LIG3: variants seen among roughly 807,000 people sequenced by gnomAD.
LIG3 encodes ligase II, DNA, ATP-dependent.
A neutral mutation model predicts 110.9 loss-of-function variants in LIG3; 58 were observed. The observed-to-expected ratio is 0.52, with a 90% CI of 0.42 to 0.65. The LOEUF is 0.65. LIG3 is among the 30% of genes least tolerant of loss of function. The probability of loss-of-function intolerance (pLI) is 0.00; values close to 1 mark genes in which losing one functional copy is unlikely to be tolerated. For missense variants in LIG3, 1,094 were observed against 1,273.8 expected (o/e 0.86, Z 2.15); for synonymous variants, 422 against 472.8 (o/e 0.89, Z 1.39).
In LIG3 at chr17:34,999,430, A is replaced by G. The variant is rs759037110; in HGVS notation, c.2237A>G (p.Asp746Gly). 1 of 1,614,018 alleles carries G rather than the reference A, an allele frequency of 6.2e-7. No homozygotes were observed. Residue 746 changes from aspartate (D) to glycine (G), a missense_variant, in exon 15 of 20, where the codon GAC becomes GGC. Physicochemically the swap from Asp to Gly is moderately conservative, Grantham distance 94. Transcript: ENST00000378526. ...ATLARLQNEL[D>G]MVKISKDPSK... ...CTTGCCCGCCTGCAGAATGAACTAG[A>G]CATGGTGAAGATCAGCAAGGTGAGG...
chr17:34,999,035 T>G, intron 14 of LIG3: 1 of 510,436 alleles, frequency 2.0e-6, no homozygotes, highest in East Asian at 3.1e-5. Context: ...AGCTGGAGTC[T>G]GAGGAACTAA....
At chr17:34,999,645 C>T in intron 15 of LIG3, 137 bp from the exon 16 acceptor site, 2 of 1,050,656 alleles carry the variant, frequency 1.9e-6, no homozygotes, top group Non-Finnish European at 2.8e-6. Flanking sequence ...TAGGTCATAC[C>T]CACTCTGGGC....
At chr17:34,985,376 TC>T (rs959055871) in intron 2 of LIG3, among the ~76,000 whole-genome samples, 4 of 152,146 alleles carry the variant, frequency 2.6e-5, no homozygotes, top group African/African-American at 9.7e-5. Context: ...AAAAAAGACT[TC>T]CGGGAAAGAA....
Position 35,002,737 on chromosome 17 carries a change from TGAAAGTAGGGGAGAAGCG to T in LIG3, c.2750_2767del (p.Val917_Lys922del). On this transcript the variant is annotated inframe_deletion, in exon 19 of 20. Coordinates refer to ENST00000378526, the MANE Select transcript of LIG3 (RefSeq NM_013975.4). ...AAGCTGGCCACAAAGTCTTCTCCAG[TGAAAGTAGGGGAGAAGCG>T]GAAAGCTGCTGATGAGACGCTGTGC... 1 of 1,612,526 alleles carries T rather than the reference TGAAAGTAGGGGAGAAGCG, an allele frequency of 6.2e-7. No individual in the cohort carries two copies. The highest frequency in any genetic ancestry group is 1.1e-5 in the South Asian group (1 of 90,792).
intron 1 of LIG3, chr17:34,981,091 A>G (rs1457477317): frequency 2.0e-5 from 3 of 152,292 alleles, no homozygotes; most frequent in Non-Finnish European, 4.4e-5. Flanking sequence ...AAGCCCTTCG[A>G]GAAAAGCGGC....
intron 16 of LIG3, 40 bp from the exon 17 acceptor site, chr17:35,001,217 C>T: frequency 6.2e-7 from 1 of 1,602,638 alleles, no homozygotes; most frequent in East Asian, 2.2e-5. Flanking sequence ...CTGATACTAT[C>T]TTCTTAACCA....
At chr17:35,009,838 A>G (rs1270068304), downstream of LIG3, 1 of 152,672 alleles carries the variant, frequency 6.5e-6, no homozygotes, top group East Asian at 1.9e-4. Flanking sequence ...TTACTGCTAG[A>G]TCTTAGCTGA....
chr17:34,992,137 C>A, intron 7 of LIG3, 102 bp downstream of exon 7: 1 of 962,754 alleles, frequency 1.0e-6, no homozygotes, highest in Non-Finnish European at 1.6e-6. Flanking sequence ...TTTGAATCCC[C>A]CTTCCACCTT....
chr17:34,980,675 C>G, intron 1 of LIG3, 53 bp downstream of exon 1: 1 of 955,854 alleles, frequency 1.0e-6, no homozygotes, highest in South Asian at 2.0e-5. Context: ...GTGGGGAAGG[C>G]AGCGGGCCCG....
chr17:34,988,573 C>T (rs1047552306), intron 3 of LIG3, among the ~76,000 whole-genome samples: 4 of 152,144 alleles, frequency 2.6e-5, no homozygotes, highest in South Asian at 2.1e-4. Flanking sequence ...AGGGAATCAC[C>T]GATGAGTTGC....
At chr17:35,003,072 G>A in intron 19 of LIG3, 1 of 1,614,026 alleles carries the variant, frequency 6.2e-7, no homozygotes, top group Non-Finnish European at 8.5e-7. Context: ...AGCCAGGAGA[G>A]ACTGCAGGGA....
intron 5 of LIG3, 98 bp downstream of exon 5, chr17:34,991,212 A>G: frequency 8.3e-7 from 1 of 1,206,194 alleles, no homozygotes; most frequent in East Asian, 2.3e-5. Context: ...TGGGACACAT[A>G]CTGTTTTAGG....
In LIG3 at chr17:35,004,974, C is replaced by T; in HGVS notation, c.*468C>T. 1 of 276,242 alleles carries T rather than the reference C, an allele frequency of 3.6e-6. No individual in the cohort carries two copies. The highest frequency in any genetic ancestry group is 8.7e-5 in the East Asian group (1 of 11,466). The allele number at this position is 276,242 out of a possible 1,614,324, so 17.1% of individuals were successfully genotyped here. On this transcript the variant is annotated 3_prime_UTR_variant, in exon 20 of 20. Coordinates refer to ENST00000378526, the MANE Select transcript of LIG3 (RefSeq NM_013975.4). Reference sequence around the variant, plus strand: ...ATTTAAAGGACTGCCCTCGGAAATGCTTCTGTTTAGCGGAACTTGTATTCA... The same window carrying T: ...ATTTAAAGGACTGCCCTCGGAAATGTTTCTGTTTAGCGGAACTTGTATTCA...
At chr17:34,985,913 T>C (rs769426319) in intron 2 of LIG3, 75 bp from the exon 3 acceptor site, 1 of 1,498,336 alleles carries the variant, frequency 6.7e-7, no homozygotes, top group Middle Eastern at 1.8e-4. Context: ...CTAGGAGCAG[T>C]TGATAGATTC....
intron 19 of LIG3, chr17:35,003,112 T>G: frequency 6.2e-7 from 1 of 1,608,296 alleles, no homozygotes; most frequent in Non-Finnish European, 8.5e-7. Flanking sequence ...CAAGTCAAAA[T>G]TTACATTAAA....
In LIG3 at chr17:34,998,684, T is replaced by C. The variant is rs2090806973; in HGVS notation, c.2070T>C (p.Ala690=). ...YLNEGAMADT[A]DLVVLGAFYG... Reference sequence around the variant, plus strand: ...ACGAGGGGGCCATGGCCGACACAGCTGACCTGGTGGTCCTTGGAGCCTTCT... The same window carrying C: ...ACGAGGGGGCCATGGCCGACACAGCCGACCTGGTGGTCCTTGGAGCCTTCT... Residue 690 remains alanine, a synonymous_variant, in exon 14 of 20, where the codon GCT becomes GCC. Transcript: ENST00000378526. The C allele has an allele frequency of 6.2e-7, 1 of 1,614,074 alleles. No individual in the cohort carries two copies. The highest frequency in any genetic ancestry group is 1.3e-5 in the African/African-American group (1 of 74,942).
chr17:34,999,203 G>A, intron 14 of LIG3, 104 bp from the exon 15 acceptor site: 1 of 1,316,328 alleles, frequency 7.6e-7, no homozygotes, highest in Non-Finnish European at 1.0e-6. Flanking sequence ...GTAAACTCTG[G>A]CACTCTGACG....
At chr17:35,002,408 A>G (rs979744834) in intron 18 of LIG3, among the ~76,000 whole-genome samples, 2 of 152,176 alleles carry the variant, frequency 1.3e-5, no homozygotes, top group African/African-American at 4.8e-5. Context: ...CCTCTCACCT[A>G]TGCTCATAGC....
downstream of LIG3, chr17:35,010,694 G>A (rs2090931922): frequency 6.7e-6 from 1 of 149,100 alleles, no homozygotes; most frequent in South Asian, 2.1e-4. Context: ...GGAGGTTGCA[G>A]TAAGCCAAGA....
Sources: gnomAD v4.1 joint callset for allele counts (sites outside exome capture counted in the v4.1 genomes callset) on GRCh38, gnomAD v4.1.1 for gene constraint, MANE v1.5 for transcripts, NCBI Gene and HGNC (gene_info 2026-07-23, HGNC 2026-07-21) for gene names.